Variants in PDE1A observed in about 807,000 individuals in gnomAD.
The protein encoded by PDE1A is dual specificity calcium/calmodulin-dependent 3',5'-cyclic nucleotide phosphodiesterase 1A.
PDE1A carries 35 observed loss-of-function variants against 61.7 expected under a neutral mutation model. That is an observed-to-expected ratio of 0.57 (90% confidence interval 0.43 to 0.75). The LOEUF (loss-of-function observed/expected upper bound fraction) is 0.75, where lower values mean the gene tolerates loss of function less well. PDE1A is among the 30% of genes least tolerant of loss of function. The pLI is 0.00. For synonymous variants in PDE1A, 232 were observed against 213.2 expected (o/e 1.09, Z -0.77); for missense variants, 597 against 630.6 (o/e 0.95, Z 0.57).
At chr2:182,262,151 TTTCTTTCTTTCTC>T (rs1475190506) in intron 2 of PDE1A, among the ~76,000 whole-genome samples, 1 of 152,092 alleles carries the variant, frequency 6.6e-6, no homozygotes, top group African/African-American at 2.4e-5. Context: ...TCTCTTTTCC[TTTCTTTCTTTCTC>T]TTCTTTCTTT....
intron 1 of PDE1A, among the ~76,000 whole-genome samples, chr2:182,336,225 C>G (rs951834427): frequency 3.9e-5 from 6 of 152,106 alleles, no homozygotes; most frequent in African/African-American, 1.4e-4. Context: ...CCTCAAGGAC[C>G]TAGAACCAGA....
At chr2:182,462,352 T>TTA (rs1319402864) in intron 2 of PDE1A, among the ~76,000 whole-genome samples, 4 of 151,168 alleles carry the variant, frequency 2.6e-5, no homozygotes, top group African/African-American at 9.7e-5. Context: ...TATGTATATC[T>TTA]TATATATATG....
At chr2:182,223,318 G>T (rs1289658743) in intron 7 of PDE1A, among the ~76,000 whole-genome samples, 1 of 151,946 alleles carries the variant, frequency 6.6e-6, no homozygotes, top group Non-Finnish European at 1.5e-5. Context: ...CCATTCTGTG[G>T]TATTTTGTTA....
At chr2:182,699,486 C>G in the PDE1A span, among the ~76,000 whole-genome samples, 1 of 152,070 alleles carries the variant, frequency 6.6e-6, no homozygotes, top group South Asian at 2.1e-4. Context: ...CATGCATAAA[C>G]AGTAATGGTT....
At chr2:182,328,963 ACTT>A (rs2124922399) in intron 1 of PDE1A, among the ~76,000 whole-genome samples, 1 of 152,296 alleles carries the variant, frequency 6.6e-6, no homozygotes, top group East Asian at 1.9e-4. Context: ...ATTGTAAGCA[ACTT>A]CTTTTCTTTG....
chr2:182,184,326 CAGAA>C (rs1409010324), intron 13 of PDE1A, among the ~76,000 whole-genome samples: 6 of 149,166 alleles, frequency 4.0e-5, no homozygotes, highest in African/African-American at 1.2e-4. Flanking sequence ...GTCTAGAAAA[CAGAA>C]AGAAAAAGAT....
chr2:182,648,251 C>T, the PDE1A span, among the ~76,000 whole-genome samples: 3 of 151,996 alleles, frequency 2.0e-5, no homozygotes, highest in African/African-American at 2.4e-5. Flanking sequence ...CTGAGCCTTG[C>T]GAGTAGTAAG....
rs73036265 is a variant in PDE1A at position 182,288,418 on chromosome 2, C to G, written c.54-24004G>C. On this transcript the variant is annotated intron_variant, in intron 1 of 13. Coordinates refer to ENST00000351439, the Ensembl canonical transcript of PDE1A. ...TGCAGTCAACAGGTTCGTCTATCAA[C>G]AGGCATTCTGTCTTAAGTTTGAATA... Among the ~76,000 whole-genome samples, 882 of 152,236 alleles carry G rather than the reference C, an allele frequency of 5.8e-3. 7 individuals carry two copies. Among genetic ancestry groups the G allele is most frequent in the African/African-American group, 0.019 (808 of 41,542 alleles).
At chr2:182,456,407 C>T (rs1685925783) in intron 2 of PDE1A, among the ~76,000 whole-genome samples, 1 of 151,938 alleles carries the variant, frequency 6.6e-6, no homozygotes, top group East Asian at 1.9e-4. Context: ...CATAGTGCTC[C>T]CCTTATTAGC....
At chr2:182,392,482 CCT>C (rs1366880532) in intron 1 of PDE1A, among the ~76,000 whole-genome samples, 2 of 152,192 alleles carry the variant, frequency 1.3e-5, no homozygotes, top group Admixed American at 6.5e-5. Flanking sequence ...TCATTCTGCC[CCT>C]GACTCCTCCC....
chr2:182,384,211 TACTTTTTCAAATA>T (rs1700893969), intron 1 of PDE1A, among the ~76,000 whole-genome samples: 1 of 152,160 alleles, frequency 6.6e-6, no homozygotes, highest in Non-Finnish European at 1.5e-5. Flanking sequence ...AATGAGTATC[TACTTTTTCAAATA>T]TGCACACATA....
chr2:182,643,385 C>T, the PDE1A span, among the ~76,000 whole-genome samples: 1 of 152,208 alleles, frequency 6.6e-6, no homozygotes, highest in Non-Finnish European at 1.5e-5. Context: ...CTATATCCAG[C>T]TTCCAGGTTC....
At chr2:182,542,749 A>G in the PDE1A span, among the ~76,000 whole-genome samples, 5 of 152,168 alleles carry the variant, frequency 3.3e-5, no homozygotes, top group African/African-American at 1.2e-4. Flanking sequence ...AAGATGTCCA[A>G]CTGGCGTATT....
intron 1 of PDE1A, among the ~76,000 whole-genome samples, chr2:182,300,304 C>T (rs1029911207): frequency 6.6e-6 from 1 of 152,166 alleles, no homozygotes; most frequent in Non-Finnish European, 1.5e-5. Flanking sequence ...TTCACTGACA[C>T]GTTTTTCATA....
intron 1 of PDE1A, among the ~76,000 whole-genome samples, chr2:182,310,022 G>A (rs551743823): frequency 1.3e-5 from 2 of 152,170 alleles, no homozygotes; most frequent in Non-Finnish European, 2.9e-5. Context: ...AGAGTTATCA[G>A]AGTAATTGAG....
chr2:182,425,193 C>T (rs535483250), intron 1 of PDE1A, among the ~76,000 whole-genome samples: 1 of 152,184 alleles, frequency 6.6e-6, no homozygotes, highest in African/African-American at 2.4e-5. Context: ...TTTTATCCAA[C>T]ACAACCTTGC....
At chr2:182,192,958 C>CA (rs1254851285) in intron 10 of PDE1A, among the ~76,000 whole-genome samples, 1 of 151,772 alleles carries the variant, frequency 6.6e-6, no homozygotes, top group Admixed American at 6.6e-5. Context: ...TCTCTGAAAC[C>CA]AAAAAAATTT....
intron 2 of PDE1A, among the ~76,000 whole-genome samples, chr2:182,486,146 T>C (rs1448127006): frequency 1.3e-5 from 2 of 151,954 alleles, no homozygotes; most frequent in African/African-American, 4.8e-5. Context: ...AAAATTCAAA[T>C]GTATTTCTAT....
chr2:182,561,711 T>G, the PDE1A span, among the ~76,000 whole-genome samples: 1 of 152,042 alleles, frequency 6.6e-6, no homozygotes, highest in Admixed American at 6.5e-5. Context: ...TTCCATTTGT[T>G]TGTATCCTCT....
Sources: allele counts gnomAD v4.1 joint callset (sites outside exome capture counted in the v4.1 genomes callset), GRCh38; gene constraint gnomAD v4.1.1; transcripts MANE v1.5; gene names NCBI Gene and HGNC (gene_info 2026-07-23, HGNC 2026-07-21).